Variants in LTA4H observed in about 807,000 individuals in gnomAD.
LTA4H encodes leukotriene A4 hydrolase, also known as leukotriene A-4 hydrolase.
A neutral mutation model predicts 89.8 loss-of-function variants in LTA4H; 59 were observed. The ratio of observed to expected loss-of-function variants is 0.66; its 90% confidence interval spans 0.53 to 0.82. The LOEUF (loss-of-function observed/expected upper bound fraction) is 0.82. Ranked by LOEUF, LTA4H falls within the 40% of genes least tolerant of loss-of-function variation. The pLI is 0.00. For synonymous variants in LTA4H, 227 were observed against 253.1 expected (o/e 0.90, Z 0.98); for missense variants, 617 against 727.0 (o/e 0.85, Z 1.74).
chr12:96,014,373 G>A (rs574838812), intron 12 of LTA4H: 391 of 149,928 alleles, frequency 2.6e-3, no homozygotes, highest in African/African-American at 8.8e-3. Context: ...GTGAAATATC[G>A]AGCAAAACAA....
chr12:96,003,743 T>C (rs1042897956), intron 17 of LTA4H, 95 bp downstream of exon 17: 8 of 705,952 alleles, frequency 1.1e-5, no homozygotes, highest in Non-Finnish European at 1.9e-5. Flanking sequence ...TTCTCAAGAC[T>C]CAAGTATGTC....
At chr12:96,018,625 G>A (rs1950411730) in intron 8 of LTA4H, 138 bp downstream of exon 8, 2 of 472,996 alleles carry the variant, frequency 4.2e-6, no homozygotes, top group Admixed American at 8.4e-5. Context: ...ACACGAACAA[G>A]AGAAAAGATT....
At chr12:96,036,172 T>C (rs774052402), upstream of LTA4H, among the ~76,000 whole-genome samples, 1 of 152,236 alleles carries the variant, frequency 6.6e-6, no homozygotes, top group Non-Finnish European at 1.5e-5. Context: ...GTGTTTATTA[T>C]GTATATCCCC....
chr12:96,015,665 TC>T lies in LTA4H; in HGVS notation c.976del (p.Glu326AsnfsTer29), dbSNP rs754992133. On this transcript the variant is annotated frameshift_variant, in exon 11 of 19. Transcript: ENST00000228740. LOFTEE classifies it high-confidence loss of function. Reference protein sequence around the residue: ...WLNEGHTVYLERHICGRLFGE... With the variant: ...WLNEGHTVYLXRHICGRLFGE... Reference sequence around the variant, plus strand: ...AAACAATCGTCCGCAAATGTGGCGTTCCAAGTACACAGTATGTCCCTCATTT... The same window carrying T: ...AAACAATCGTCCGCAAATGTGGCGTTCAAGTACACAGTATGTCCCTCATTT... 1 of 1,613,416 alleles carries T rather than the reference TC, an allele frequency of 6.2e-7. No individual in the cohort carries two copies.
chr12:96,014,951 G>A lies in LTA4H; in HGVS notation c.1108C>T (p.Leu370=). 6.2e-7 allele frequency: 1 copy of A among 1,613,280 alleles called. No individual in the cohort carries two copies. The highest frequency in any genetic ancestry group is 2.2e-5 in the East Asian group (1 of 44,816). ...THPFTKLVVD[L]TDIDPDVAYS... ...GCTACATCAGGGTCTATATCTGTCAGATCAACCACAAGTTTGGTGAAAGGA... is the reference window on the plus strand; with the variant it reads ...GCTACATCAGGGTCTATATCTGTCAAATCAACCACAAGTTTGGTGAAAGGA... Residue 370 remains leucine, a synonymous_variant, in exon 12 of 19, where the codon CTG becomes TTG. Coordinates refer to ENST00000228740, the MANE Select transcript of LTA4H (RefSeq NM_000895.3).
At chr12:96,024,218 C>T (rs1434000391) in intron 4 of LTA4H, among the ~76,000 whole-genome samples, 1 of 152,152 alleles carries the variant, frequency 6.6e-6, no homozygotes, top group Non-Finnish European at 1.5e-5. Flanking sequence ...AGGTGTGAGC[C>T]ACCACACCTA....
At chr12:96,020,951 T>A in intron 6 of LTA4H, 134 bp downstream of exon 6, 1 of 690,606 alleles carries the variant, frequency 1.4e-6, no homozygotes, top group Non-Finnish European at 2.5e-6. Flanking sequence ...ACATTTTAGA[T>A]TTGAATTTTT....
intron 17 of LTA4H, 78 bp downstream of exon 17, chr12:96,003,760 T>C (rs1209399076): frequency 4.3e-6 from 4 of 933,234 alleles, no homozygotes; most frequent in Admixed American, 4.1e-5. Flanking sequence ...TGTCTCATAC[T>C]CTGCATTCCC....
upstream of LTA4H, chr12:96,035,659 CT>C (rs17525488): frequency 0.091 from 130,735 of 1,430,700 alleles, 8,003 homozygotes; most frequent in East Asian, 0.28. Flanking sequence ...AAGGAAGTTT[CT>C]TAAAGTCAGA....
chr12:96,043,281 G>A lies in LTA4H; in HGVS notation c.87+8C>T. On this transcript the variant is annotated splice_region_variant and intron_variant, in intron 1 of 17. Transcript: ENST00000413268. ...CTCACATGCCTTGAGAAGGAGCTTG[G>A]AACTTACCTTTAAGGCTGCAAGAAG... 3 of 1,530,082 alleles carry A rather than the reference G, an allele frequency of 2.0e-6. No individual in the cohort carries two copies. In the South Asian group the frequency reaches 3.6e-5, roughly 18 times the overall value. The allele number at this position is 1,530,082 out of a possible 1,614,324, so 94.8% of individuals were successfully genotyped here.
chr12:96,033,100 A>T (rs1950593066), intron 1 of LTA4H, among the ~76,000 whole-genome samples: 1 of 152,224 alleles, frequency 6.6e-6, no homozygotes, highest in Non-Finnish European at 1.5e-5. Context: ...GTACACCTGA[A>T]CTTCAAATAA....
chr12:96,031,987 C>T (rs1336359793), intron 1 of LTA4H, among the ~76,000 whole-genome samples: 1 of 152,180 alleles, frequency 6.6e-6, no homozygotes, highest in African/African-American at 2.4e-5. Flanking sequence ...TAAAAAACCA[C>T]CTTGATTTGA....
Position 96,009,185 on chromosome 12 carries a change from G to A in LTA4H, c.1380-37C>T, listed in dbSNP as rs201062515. The A allele has an allele frequency of 1.9e-5, 27 of 1,445,916 alleles. No homozygotes were observed. The East Asian group carries it at 3.0e-4, about 16-fold the overall frequency. 89.6% of individuals were successfully genotyped at this position (1,445,916 alleles called of 1,614,324 possible). A position where few individuals can be genotyped will look rare whatever the true frequency, so the allele number is the denominator to read the frequency against. ...AAGATTACATTGTTTAAAAATGCAC[G>A]TGCTTTTGCAGAAATGCAGTTTTAA... On this transcript the variant is annotated intron_variant, in intron 14 of 18. Transcript: ENST00000228740.
intron 11 of LTA4H, 58 bp downstream of exon 11, chr12:96,015,525 C>T: frequency 4.1e-6 from 5 of 1,230,740 alleles, no homozygotes; most frequent in Non-Finnish European, 5.9e-6. Context: ...TATAAAAACT[C>T]AGTTTTTAAC....
At position 96,008,563 on chromosome 12, in the gene LTA4H, G is replaced by C. The variant is rs116160643; in HGVS notation, c.1434+531C>G. 4.0e-3 allele frequency among the ~76,000 whole-genome samples: 610 copies of C among 151,706 alleles called. 5 individuals are homozygous for C. Among genetic ancestry groups the C allele is most frequent in the African/African-American group, 0.014 (586 of 41,344 alleles). ...TTTTGCATACTTTTTTTTTTTAAGA[G>C]TTAAGAAGCAAGAAAAATCAGGATT... is the stretch of plus-strand genomic sequence containing the variant. On this transcript the variant is annotated intron_variant, in intron 15 of 18. Coordinates refer to ENST00000228740, the MANE Select transcript of LTA4H (RefSeq NM_000895.3).
intron 1 of LTA4H, among the ~76,000 whole-genome samples, chr12:96,029,643 T>A (rs61937885): frequency 0.12 from 18,816 of 152,194 alleles, 1,581 homozygotes; most frequent in Non-Finnish European, 0.19. Flanking sequence ...TGGTTGTATA[T>A]CTAGAAAAAG....
Position 96,006,778 on chromosome 12 carries a change from A to G in LTA4H, c.1435-369T>C, listed in dbSNP as rs140392629. ...TCAAAAAGGTAAAGAATGAAATCGT[A>G]TATTTTTAAATATTACATTAATAAA... On this transcript the variant is annotated intron_variant, in intron 15 of 18. Transcript: ENST00000228740. Among the ~76,000 whole-genome samples the G allele has an allele frequency of 2.3e-3, 354 of 152,306 alleles. 7 individuals are homozygous for G. Among genetic ancestry groups the G allele is most frequent in the Middle Eastern group, 0.01 (3 of 294 alleles).
chr12:96,001,138 A>C, intron 18 of LTA4H, 32 bp from the exon 19 acceptor site: 1 of 1,370,758 alleles, frequency 7.3e-7, no homozygotes, highest in South Asian at 1.2e-5. Flanking sequence ...AAAAGAAAGA[A>C]AGGCGAGAAG....
At chr12:96,023,701 C>T (rs1378386877) in intron 4 of LTA4H, among the ~76,000 whole-genome samples, 2 of 151,994 alleles carry the variant, frequency 1.3e-5, no homozygotes, top group African/African-American at 2.4e-5. Context: ...AATTACAGTC[C>T]GCCTTTTCCA....
Sources: gnomAD v4.1 joint callset for allele counts (sites outside exome capture counted in the v4.1 genomes callset) on GRCh38, gnomAD v4.1.1 for gene constraint, MANE v1.5 for transcripts, NCBI Gene and HGNC (gene_info 2026-07-23, HGNC 2026-07-21) for gene names.